HTR2C: variants seen among roughly 807,000 people sequenced by gnomAD.
The protein encoded by HTR2C is 5-hydroxytryptamine receptor 2C, also known as 5-hydroxytryptamine (serotonin) receptor 2C, G protein-coupled.
A neutral mutation model predicts 21.0 loss-of-function variants in HTR2C; 5 were observed. The observed-to-expected ratio is 0.24, with a 90% CI of 0.12 to 0.50. HTR2C has a LOEUF of 0.50. HTR2C is among the 20% of genes least tolerant of loss of function. The pLI, the probability that HTR2C is intolerant of heterozygous loss-of-function variation, is 0.98. For synonymous variants in HTR2C, 150 were observed against 145.3 expected, an observed-to-expected ratio of 1.03 and a Z score of -0.23; for missense variants, 271 against 371.2, an observed-to-expected ratio of 0.73 and a Z score of 2.22.
At chrX:114,857,833 G>C (rs2070975424) in intron 5 of HTR2C, among the ~76,000 whole-genome samples, 1 of 110,691 alleles carries the variant, frequency 9.0e-6, no homozygotes, top group Non-Finnish European at 1.9e-5. Context: ...TTAAGTGTTT[G>C]ATCATCTTAG....
intron 4 of HTR2C, among the ~76,000 whole-genome samples, chrX:114,755,065 C>T (rs1195318348): frequency 9.1e-6 from 1 of 110,161 alleles, no homozygotes; most frequent in Non-Finnish European, 1.9e-5. Flanking sequence ...CATGGTGAAG[C>T]CCCGTCTCTA....
chrX:114,901,464 C>T (rs1436660880), intron 5 of HTR2C, among the ~76,000 whole-genome samples: 1 of 111,256 alleles, frequency 9.0e-6, no homozygotes, highest in East Asian at 2.8e-4. Flanking sequence ...GTTATAATAG[C>T]AGTAGTAGTT....
intron 5 of HTR2C, among the ~76,000 whole-genome samples, chrX:114,866,702 G>A (rs1220548582): frequency 2.7e-5 from 3 of 109,490 alleles, no homozygotes; most frequent in Non-Finnish European, 3.8e-5. Flanking sequence ...TATGTCCATG[G>A]GTTCAATTGT....
intron 1 of HTR2C, among the ~76,000 whole-genome samples, chrX:114,597,386 C>T (rs1302021348): frequency 9.0e-6 from 1 of 111,347 alleles, no homozygotes; most frequent in Non-Finnish European, 1.9e-5. Flanking sequence ...AGAAATTTAT[C>T]TTCTATTTGG....
chrX:114,803,239 A>G (rs1322236473), intron 4 of HTR2C, among the ~76,000 whole-genome samples: 2 of 75,669 alleles, frequency 2.6e-5, no homozygotes, highest in Non-Finnish European at 5.2e-5. Flanking sequence ...TCCTTTGGGT[A>G]TATACCCAGT....
chrX:114,781,099 C>G (rs782342207), intron 4 of HTR2C, among the ~76,000 whole-genome samples: 3 of 111,227 alleles, frequency 2.7e-5, no homozygotes, highest in Admixed American at 9.6e-5. Flanking sequence ...TTAGGCAAAG[C>G]TGAAGAGAGA....
At chrX:114,774,715 GTAAC>G (rs1556438199) in intron 4 of HTR2C, 1 of 296,527 alleles carries the variant, frequency 3.4e-6, no homozygotes, top group Non-Finnish European at 5.9e-6. Flanking sequence ...AGAATTCCTA[GTAAC>G]TTACTACAGC....
Position 114,909,906 on chromosome X carries a change from A to C in HTR2C, c.*2491A>C, listed in dbSNP as rs782362665. ...TATATCTGTGTAAGACACGTGCAAC[A>C]GACTGCCTTATATTATTTTCTGTAA... On this transcript the variant is annotated 3_prime_UTR_variant, in exon 6 of 6. Transcript: ENST00000276198. 8.9e-6 allele frequency: 1 copy of C among 112,592 alleles called. No homozygotes were observed. The highest frequency in any genetic ancestry group is 1.9e-5 in the Non-Finnish European group (1 of 53,274). The allele number at this position is 112,592 out of a possible 1,213,427, so 9.3% of individuals were successfully genotyped here. A position where few individuals can be genotyped will look rare whatever the true frequency, so the allele number is the denominator to read the frequency against.
chrX:114,822,437 T>G (rs1237933906), intron 4 of HTR2C, among the ~76,000 whole-genome samples: 1 of 112,336 alleles, frequency 8.9e-6, no homozygotes, highest in Non-Finnish European at 1.9e-5. Context: ...ATTATTATAT[T>G]CTTGCTTAGG....
At chrX:114,733,218 G>A (rs2069553592) in intron 4 of HTR2C, among the ~76,000 whole-genome samples, 1 of 110,074 alleles carries the variant, frequency 9.1e-6, no homozygotes, top group African/African-American at 3.3e-5. Context: ...AACCAGCCTG[G>A]CTAACAGGGT....
chrX:114,758,761 G>A (rs1164527361), intron 4 of HTR2C, among the ~76,000 whole-genome samples: 2 of 111,660 alleles, frequency 1.8e-5, no homozygotes, highest in African/African-American at 3.3e-5. Flanking sequence ...ATCAAAATCA[G>A]TACTGATACA....
chrX:114,683,065 C>A (rs1931797522), intron 2 of HTR2C, among the ~76,000 whole-genome samples: 1 of 111,541 alleles, frequency 9.0e-6, no homozygotes, highest in Admixed American at 9.6e-5. Flanking sequence ...ATGATCAGAC[C>A]AACCATGATG....
chrX:114,720,515 T>TC (rs1237643828), intron 2 of HTR2C, among the ~76,000 whole-genome samples: 124 of 36,060 alleles, frequency 3.4e-3, no homozygotes, highest in African/African-American at 6.9e-3. Flanking sequence ...TATTTCTTTT[T>TC]CTTTTTTTTT....
intron 4 of HTR2C, among the ~76,000 whole-genome samples, chrX:114,750,553 C>T (rs1224431993): frequency 1.8e-5 from 2 of 112,199 alleles, no homozygotes; most frequent in Non-Finnish European, 3.8e-5. Context: ...TTATTCCTTA[C>T]GTGCCAGGCA....
At chrX:114,869,294 A>G (rs1277037481) in intron 5 of HTR2C, among the ~76,000 whole-genome samples, 1 of 111,873 alleles carries the variant, frequency 8.9e-6, no homozygotes, top group Non-Finnish European at 1.9e-5. Context: ...TAGTGCCACA[A>G]TAAACATATG....
At chrX:114,698,338 G>T (rs1247554415) in intron 2 of HTR2C, among the ~76,000 whole-genome samples, 1 of 110,366 alleles carries the variant, frequency 9.1e-6, no homozygotes, top group African/African-American at 3.3e-5. Flanking sequence ...GGTAGAAAAA[G>T]TTCCGTTATC....
At chrX:114,672,346 C>T (rs1356543564) in intron 2 of HTR2C, among the ~76,000 whole-genome samples, 3 of 110,176 alleles carry the variant, frequency 2.7e-5, no homozygotes, top group African/African-American at 9.9e-5. Context: ...GAGCTATGAT[C>T]GCACCCCTGC....
intron 2 of HTR2C, among the ~76,000 whole-genome samples, chrX:114,627,038 A>G (rs1424768985): frequency 3.6e-5 from 4 of 111,930 alleles, no homozygotes; most frequent in Non-Finnish European, 7.5e-5. Flanking sequence ...AATTATATAA[A>G]TCCAAGATTT....
intron 5 of HTR2C, among the ~76,000 whole-genome samples, chrX:114,892,391 T>G (rs2147528378): frequency 8.9e-6 from 1 of 111,952 alleles, no homozygotes; most frequent in South Asian, 3.7e-4. Flanking sequence ...CTTTCCATTT[T>G]GTTTCACTTT....
Sources: gnomAD v4.1 joint callset for allele counts (sites outside exome capture counted in the v4.1 genomes callset) on GRCh38, gnomAD v4.1.1 for gene constraint, MANE v1.5 for transcripts, NCBI Gene and HGNC (gene_info 2026-07-23, HGNC 2026-07-21) for gene names.